The following UXS1 variants were observed in gnomAD, a reference collection of about 807,000 sequenced individuals.
UXS1 encodes UDP-glucuronate decarboxylase 1, also known as UDP-glucuronic acid decarboxylase 1.
A neutral mutation model predicts 62.6 loss-of-function variants in UXS1; 33 were observed. The ratio of observed to expected loss-of-function variants is 0.53; its 90% confidence interval spans 0.40 to 0.70. The LOEUF (loss-of-function observed/expected upper bound fraction) is 0.70. Among genes scored for constraint, UXS1 ranks in the 30% least tolerant of loss-of-function variants. UXS1 has a pLI of 0.00. For synonymous variants in UXS1, 213 were observed against 206.8 expected (o/e 1.03, Z -0.26); for missense variants, 434 against 556.3 (o/e 0.78, Z 2.21).
At chr2:106,103,617 A>G (rs560301782) in intron 11 of UXS1, among the ~76,000 whole-genome samples, 11 of 152,306 alleles carry the variant, frequency 7.2e-5, no homozygotes, top group African/African-American at 2.4e-4. Context: ...GGCAGCTGCC[A>G]TTTCCCTGTT....
At chr2:106,114,227 A>G (rs1678880536) in intron 9 of UXS1, among the ~76,000 whole-genome samples, 1 of 152,196 alleles carries the variant, frequency 6.6e-6, no homozygotes, top group African/African-American at 2.4e-5. Flanking sequence ...GGTGAGAGGC[A>G]TGGAAGCACA....
intron 5 of UXS1, among the ~76,000 whole-genome samples, chr2:106,147,753 T>C (rs1301942694): frequency 1.3e-5 from 2 of 152,230 alleles, no homozygotes; most frequent in Non-Finnish European, 2.9e-5. Context: ...CTAATCCGCC[T>C]GCCTCGGGCA....
At chr2:106,110,804 G>T (rs547815464) in intron 10 of UXS1, among the ~76,000 whole-genome samples, 1 of 152,322 alleles carries the variant, frequency 6.6e-6, no homozygotes, top group Admixed American at 6.5e-5. Flanking sequence ...AACAGAGATT[G>T]GGGCTGAAAA....
At chr2:106,106,766 T>C (rs1573409813) in intron 10 of UXS1, among the ~76,000 whole-genome samples, 1 of 152,032 alleles carries the variant, frequency 6.6e-6, no homozygotes, top group South Asian at 2.1e-4. Context: ...GGACAGGAGG[T>C]CCACCCACTG....
At chr2:106,120,740 G>C (rs1159288671) in intron 9 of UXS1, among the ~76,000 whole-genome samples, 1 of 152,224 alleles carries the variant, frequency 6.6e-6, no homozygotes, top group Non-Finnish European at 1.5e-5. Flanking sequence ...CCTGTGTGAA[G>C]TACACTGTGA....
chr2:106,142,840 C>T (rs1681229916), intron 6 of UXS1, among the ~76,000 whole-genome samples: 1 of 152,092 alleles, frequency 6.6e-6, no homozygotes, highest in African/African-American at 2.4e-5. Context: ...GAACGCAATA[C>T]TCTGAGCAAA....
chr2:106,178,490 ATAAG>A (rs964186267), intron 1 of UXS1, among the ~76,000 whole-genome samples: 159 of 149,216 alleles, frequency 1.1e-3, no homozygotes, highest in African/African-American at 3.4e-3. Context: ...GTATATATAT[ATAAG>A]TATGTGTATG....
At chr2:106,184,614 G>A (rs899977867) in intron 1 of UXS1, among the ~76,000 whole-genome samples, 1 of 152,186 alleles carries the variant, frequency 6.6e-6, no homozygotes, top group African/African-American at 2.4e-5. Flanking sequence ...TCCTCACATG[G>A]TGGAAGGGAG....
chr2:106,115,991 G>A (rs750058160), intron 9 of UXS1, among the ~76,000 whole-genome samples: 1 of 152,148 alleles, frequency 6.6e-6, no homozygotes, highest in Non-Finnish European at 1.5e-5. Context: ...TTGGAAACAC[G>A]AACTAGGCTG....
intron 10 of UXS1, among the ~76,000 whole-genome samples, chr2:106,109,378 T>C (rs1678388040): frequency 6.6e-6 from 1 of 152,182 alleles, no homozygotes. Flanking sequence ...CAGCTTTGAA[T>C]TGGTCTTAGA....
intron 12 of UXS1, among the ~76,000 whole-genome samples, chr2:106,100,475 G>A (rs949315345): frequency 2.6e-5 from 4 of 152,216 alleles, no homozygotes; most frequent in Non-Finnish European, 4.4e-5. Flanking sequence ...TCCAATATGA[G>A]GAAGAGCTTT....
intron 5 of UXS1, 59 bp from the exon 6 acceptor site, chr2:106,145,429 G>C: frequency 1.3e-6 from 2 of 1,526,416 alleles, no homozygotes; most frequent in Non-Finnish European, 1.8e-6. Context: ...AACACAGTGA[G>C]GACCAGCTCC....
At chr2:106,188,519 G>A (rs1684719725) in intron 1 of UXS1, among the ~76,000 whole-genome samples, 2 of 152,220 alleles carry the variant, frequency 1.3e-5, no homozygotes, top group African/African-American at 4.8e-5. Context: ...TCTGGAGAGG[G>A]TGGAATCAGG....
At chr2:106,146,830 AGAG>A (rs1270956830) in intron 5 of UXS1, among the ~76,000 whole-genome samples, 1 of 147,534 alleles carries the variant, frequency 6.8e-6, no homozygotes, top group Non-Finnish European at 1.5e-5. Context: ...CAAAAATGGC[AGAG>A]GAGAAGTAAG....
intron 7 of UXS1, 116 bp from the exon 8 acceptor site, chr2:106,125,795 A>G (rs1346037322): frequency 2.5e-6 from 2 of 815,826 alleles, no homozygotes; most frequent in Non-Finnish European, 3.6e-6. Flanking sequence ...CTATCCAATT[A>G]TCTACCCTTA....
chr2:106,140,456 G>A (rs1681009140), intron 6 of UXS1, among the ~76,000 whole-genome samples: 1 of 152,198 alleles, frequency 6.6e-6, no homozygotes, highest in South Asian at 2.1e-4. Flanking sequence ...TGCTTTAAAT[G>A]TCTACATAAA....
intron 10 of UXS1, 98 bp from the exon 11 acceptor site, chr2:106,104,935 G>A (rs1252644146): frequency 2.7e-5 from 38 of 1,422,814 alleles, no homozygotes; most frequent in Non-Finnish European, 3.8e-5. Context: ...CCTTGAAACT[G>A]ATCCCAGGGG....
chr2:106,098,799 TA>T, intron 12 of UXS1, 26 bp from the exon 13 acceptor site: 1 of 1,604,670 alleles, frequency 6.2e-7, no homozygotes, highest in Non-Finnish European at 8.5e-7. Context: ...TTTCCAGTTA[TA>T]AGCGTCATGA....
At chr2:106,102,584 G>A (rs895121362) in intron 11 of UXS1, 1 of 151,988 alleles carries the variant, frequency 6.6e-6, no homozygotes, top group African/African-American at 2.4e-5. Context: ...GGACAAAACC[G>A]GCCATGAGAA....
Sources: allele counts gnomAD v4.1 joint callset (sites outside exome capture counted in the v4.1 genomes callset), GRCh38; gene constraint gnomAD v4.1.1; transcripts MANE v1.5; gene names NCBI Gene and HGNC (gene_info 2026-07-23, HGNC 2026-07-21).